RNF157: variants seen among roughly 807,000 people sequenced by gnomAD.
RNF157 encodes the protein E3 ubiquitin ligase RNF157.
In RNF157, 55 loss-of-function variants were observed where a neutral mutation model predicts 88.3. The observed-to-expected ratio is 0.62, with a 90% CI of 0.50 to 0.78. The LOEUF (loss-of-function observed/expected upper bound fraction) is 0.78. RNF157 is among the 30% of genes least tolerant of loss of function. RNF157 has a pLI of 0.00. For missense variants in RNF157, 788 were observed against 860.8 expected (o/e 0.92, Z 1.06); for synonymous variants, 334 against 341.2 (o/e 0.98, Z 0.23).
chr17:76,210,393 A>T (rs375474263), intron 2 of RNF157, among the ~76,000 whole-genome samples: 1 of 151,774 alleles, frequency 6.6e-6, no homozygotes, highest in Non-Finnish European at 1.5e-5. Context: ...GATCGAGACC[A>T]TCCTGGCTAA....
intron 1 of RNF157, among the ~76,000 whole-genome samples, chr17:76,234,101 T>C (rs8081930): frequency 0.033 from 5,068 of 152,336 alleles, 296 homozygotes; most frequent in African/African-American, 0.12. Flanking sequence ...TTGCCTCTTC[T>C]GGGCATTTCT....
intron 2 of RNF157, among the ~76,000 whole-genome samples, chr17:76,188,414 C>A: frequency 6.6e-6 from 1 of 152,166 alleles, no homozygotes. Flanking sequence ...TACTGATTTT[C>A]TGCATTTCAT....
intron 2 of RNF157, among the ~76,000 whole-genome samples, chr17:76,211,209 C>T (rs1001720285): frequency 2.0e-5 from 3 of 152,230 alleles, no homozygotes; most frequent in East Asian, 1.9e-4. Flanking sequence ...GTACCTGACA[C>T]GCAGTAGTTG....
At chr17:76,197,594 G>A (rs1031875542) in intron 2 of RNF157, among the ~76,000 whole-genome samples, 2 of 152,096 alleles carry the variant, frequency 1.3e-5, no homozygotes, top group Non-Finnish European at 2.9e-5. Flanking sequence ...TTTGAGATAG[G>A]GTCTCAATAT....
intron 1 of RNF157, among the ~76,000 whole-genome samples, chr17:76,236,215 A>C (rs2070280720): frequency 6.6e-6 from 1 of 152,166 alleles, no homozygotes; most frequent in African/African-American, 2.4e-5. Flanking sequence ...AGCAAAACAA[A>C]TTATTCCTAT....
intron 2 of RNF157, among the ~76,000 whole-genome samples, chr17:76,199,643 T>C (rs2069538417): frequency 6.6e-6 from 1 of 151,382 alleles, no homozygotes; most frequent in African/African-American, 2.4e-5. Context: ...TAAACACTGA[T>C]TCAACTTCTC....
rs763361273 is a variant in RNF157 at position 76,165,457 on chromosome 17, G to A, written c.672+45C>T. 5.5e-5 allele frequency: 89 copies of A among 1,603,824 alleles called. No individual in the cohort carries two copies. The Admixed American group carries it at 1.2e-3, about 22-fold the overall frequency. ...CGGGTTACATGTGTCTCACACGAAAGAAAGGGCTAAAGGCAATAAAGCGAG... is the reference window on the plus strand; with the variant it reads ...CGGGTTACATGTGTCTCACACGAAAAAAAGGGCTAAAGGCAATAAAGCGAG... On this transcript the variant is annotated intron_variant, in intron 7 of 18. Transcript: ENST00000269391.
intron 12 of RNF157, among the ~76,000 whole-genome samples, chr17:76,158,855 T>A (rs1274891736): frequency 6.6e-6 from 1 of 152,184 alleles, no homozygotes; most frequent in Non-Finnish European, 1.5e-5. Context: ...TCTGATGACT[T>A]GCTATCTAAA....
chr17:76,233,013 T>C (rs1411176923), intron 1 of RNF157, among the ~76,000 whole-genome samples: 1 of 152,046 alleles, frequency 6.6e-6, no homozygotes, highest in Non-Finnish European at 1.5e-5. Flanking sequence ...CTCTGCCTCC[T>C]GGGTTCAAGT....
At chr17:76,171,041 T>C (rs1038044039) in intron 3 of RNF157, among the ~76,000 whole-genome samples, 8 of 151,966 alleles carry the variant, frequency 5.3e-5, no homozygotes, top group African/African-American at 9.7e-5. Context: ...TACAGGTGCC[T>C]GCCACCATGC....
At chr17:76,199,659 G>C (rs778955713) in intron 2 of RNF157, among the ~76,000 whole-genome samples, 13 of 151,656 alleles carry the variant, frequency 8.6e-5, no homozygotes, top group Non-Finnish European at 1.5e-4. Context: ...TTCTCTGGGA[G>C]TGCCCCTTCT....
chr17:76,155,809 CCT>C, intron 14 of RNF157, 75 bp from the exon 15 acceptor site: 1 of 1,276,294 alleles, frequency 7.8e-7, no homozygotes, highest in African/African-American at 1.5e-5. Flanking sequence ...GGAGCAGAGC[CCT>C]CTCCCTGCAT....
intron 2 of RNF157, among the ~76,000 whole-genome samples, chr17:76,174,066 G>T (rs1265674293): frequency 1.3e-5 from 2 of 150,682 alleles, no homozygotes; most frequent in African/African-American, 4.9e-5. Context: ...AAAACCTGGA[G>T]AATTAATAAT....
intron 2 of RNF157, among the ~76,000 whole-genome samples, chr17:76,182,476 T>TGC (rs1343578262): frequency 4.6e-5 from 7 of 151,562 alleles, no homozygotes; most frequent in African/African-American, 1.5e-4. Context: ...TGTGTGTGTG[T>TGC]GTGTGTATCA....
rs1386719775 is a variant in RNF157 at position 76,157,847 on chromosome 17, C to T, written c.1413+546G>A. Among the ~76,000 whole-genome samples the T allele has an allele frequency of 6.6e-6, 1 of 152,024 alleles. No homozygotes were observed. On this transcript the variant is annotated intron_variant, in intron 13 of 18. Transcript: ENST00000269391. The surrounding 1 kb of genome is among the most constrained non-coding windows in gnomAD (Gnocchi z 5.6). ...GGACGCACAGAGTAGAAAATTCCAG[C>T]CTTCTCTTCCATTCTTCCACATGGG...
At chr17:76,158,642 C>T in intron 12 of RNF157, 141 bp from the exon 13 acceptor site, 1 of 626,450 alleles carries the variant, frequency 1.6e-6, no homozygotes, top group East Asian at 2.8e-5. Flanking sequence ...GTTTCCCAGG[C>T]TGGGCTGGGA....
Position 76,160,242 on chromosome 17 carries a change from T to C in RNF157, c.1066-669A>G, listed in dbSNP as rs996109127. Among the ~76,000 whole-genome samples, 1 of 152,260 alleles carries C rather than the reference T, an allele frequency of 6.6e-6. No individual in the cohort carries two copies. Among genetic ancestry groups the C allele is most frequent in the Non-Finnish European group, 1.5e-5 (1 of 68,042 alleles). On this transcript the variant is annotated intron_variant, in intron 11 of 18. Coordinates refer to ENST00000269391, the MANE Select transcript of RNF157 (RefSeq NM_052916.3). This position sits in a 1 kb window ranked among gnomAD's most constrained non-coding sequence, Gnocchi z 4.3. ...ATCTAGTTGTGTCTAACACATCCTA[T>C]TGTAAACAAGTTTTGATGAACATCC... is the stretch of plus-strand genomic sequence containing the variant.
At chr17:76,207,949 A>G (rs1363880215) in intron 2 of RNF157, among the ~76,000 whole-genome samples, 1 of 152,168 alleles carries the variant, frequency 6.6e-6, no homozygotes, top group Non-Finnish European at 1.5e-5. Flanking sequence ...TTATTGAGAC[A>G]GGTTCTTGCT....
chr17:76,238,746 G>A (rs760948820), intron 1 of RNF157, among the ~76,000 whole-genome samples: 9 of 152,098 alleles, frequency 5.9e-5, no homozygotes, highest in Non-Finnish European at 1.0e-4. Context: ...TCCTCATGCC[G>A]CCCTAAGAAT....
Sources: gnomAD v4.1 joint callset for allele counts (sites outside exome capture counted in the v4.1 genomes callset) on GRCh38, gnomAD v4.1.1 for gene constraint, Gnocchi (gnomAD v3.1) non-coding constraint, MANE v1.5 for transcripts, NCBI Gene and HGNC (gene_info 2026-07-23, HGNC 2026-07-21) for gene names.